The following SBF2 variants were observed in gnomAD, a reference collection of about 807,000 sequenced individuals.
SBF2 encodes myotubularin-related protein 13.
A neutral mutation model predicts 225.2 loss-of-function variants in SBF2; 112 were observed. That is an observed-to-expected ratio of 0.50 (90% CI 0.43 to 0.58). The LOEUF (loss-of-function observed/expected upper bound fraction) is 0.58. Ranked by LOEUF, SBF2 falls within the 20% of genes least tolerant of loss-of-function variation. The probability of loss-of-function intolerance (pLI) is 0.00; values close to 1 mark genes in which losing one functional copy is unlikely to be tolerated. For missense variants in SBF2, 1,996 were observed against 2,206.2 expected, an observed-to-expected ratio of 0.90 and a Z score of 1.91; for synonymous variants, 763 against 773.3, an observed-to-expected ratio of 0.99 and a Z score of 0.22.
intron 1 of SBF2, among the ~76,000 whole-genome samples, chr11:10,212,769 C>A (rs533053286): frequency 6.6e-6 from 1 of 152,134 alleles, no homozygotes; most frequent in Non-Finnish European, 1.5e-5. Context: ...CTGTTACTCG[C>A]GGCAGGGCGC....
At chr11:10,089,442 G>A (rs973935076) in intron 2 of SBF2, among the ~76,000 whole-genome samples, 3 of 152,058 alleles carry the variant, frequency 2.0e-5, no homozygotes, top group African/African-American at 7.2e-5. Flanking sequence ...CTTTCTTCTT[G>A]AATGCCTCCC....
At chr11:10,026,837 G>A (rs757140828) in intron 6 of SBF2, among the ~76,000 whole-genome samples, 14 of 151,920 alleles carry the variant, frequency 9.2e-5, no homozygotes, top group South Asian at 2.1e-4. Context: ...GATTATGTAC[G>A]TCATATTAGA....
chr11:9,882,814 AAAAAAAC>A (rs962933351), intron 17 of SBF2, among the ~76,000 whole-genome samples: 3 of 150,972 alleles, frequency 2.0e-5, no homozygotes, highest in African/African-American at 7.3e-5. Flanking sequence ...AAAAAAAAAA[AAAAAAAC>A]CACCAAAAAA....
At chr11:9,836,831 A>G (rs1185147367) in intron 26 of SBF2, among the ~76,000 whole-genome samples, 1 of 152,140 alleles carries the variant, frequency 6.6e-6, no homozygotes, top group African/African-American at 2.4e-5. Flanking sequence ...TGCTACTGTA[A>G]ATAGTAGGAA....
chr11:10,134,245 C>T (rs527899685), intron 2 of SBF2, among the ~76,000 whole-genome samples: 1 of 152,278 alleles, frequency 6.6e-6, no homozygotes, highest in South Asian at 2.1e-4. Context: ...ACAGGAAAGA[C>T]CTGCCCCCCT....
intron 32 of SBF2, among the ~76,000 whole-genome samples, chr11:9,801,049 A>G (rs1996794): frequency 6.6e-6 from 1 of 151,994 alleles, no homozygotes; most frequent in Non-Finnish European, 1.5e-5. Context: ...GTGTGCTTCA[A>G]ATAAATTTAG....
chr11:9,902,973 A>T lies in SBF2; in HGVS notation c.1861-6962T>A, dbSNP rs553178076. Among the ~76,000 whole-genome samples the T allele has an allele frequency of 3.5e-4, 53 of 150,564 alleles. 2 individuals carry two copies. In the South Asian group the frequency reaches 0.01, roughly 30 times the overall value. On this transcript the variant is annotated intron_variant, in intron 16 of 39. Coordinates refer to ENST00000256190, the MANE Select transcript of SBF2 (RefSeq NM_030962.4). ...TAATAGGAAAATAAAAAAAAAAAAC[A>T]ACAAACCTGAACCCAAGGGAAAACA...
intron 15 of SBF2, among the ~76,000 whole-genome samples, chr11:9,963,291 C>A (rs1042140360): frequency 1.3e-5 from 2 of 152,022 alleles, no homozygotes; most frequent in African/African-American, 4.8e-5. Context: ...ATGGTGAAAC[C>A]CCATCTTTAC....
intron 1 of SBF2, among the ~76,000 whole-genome samples, chr11:10,225,905 G>T (rs867470433): frequency 6.6e-6 from 1 of 152,070 alleles, no homozygotes; most frequent in Non-Finnish European, 1.5e-5. Flanking sequence ...AAATGTAAAG[G>T]AGTCGATTAG....
At chr11:9,982,184 C>A (rs952118844) in intron 13 of SBF2, among the ~76,000 whole-genome samples, 1 of 152,170 alleles carries the variant, frequency 6.6e-6, no homozygotes, top group Non-Finnish European at 1.5e-5. Flanking sequence ...CAGCTTTTCG[C>A]TCCCTCTGTT....
intron 16 of SBF2, chr11:9,958,908 C>T (rs1866377029): frequency 1.5e-6 from 1 of 680,820 alleles, no homozygotes; most frequent in Non-Finnish European, 2.7e-6. Context: ...CTATGATGGG[C>T]TATAAGAGCA....
chr11:9,853,624 A>C lies in SBF2; in HGVS notation c.2452T>G (p.Phe818Val). 6.2e-7 allele frequency: 1 copy of C among 1,613,952 alleles called. No individual in the cohort carries two copies. The highest frequency in any genetic ancestry group is 8.5e-7 in the Non-Finnish European group (1 of 1,179,906). The change falls in exon 20 of 40, where the codon TTC becomes GTC. Residue 818 changes from phenylalanine (F) to valine (V), a missense_variant. By Grantham distance (50) the Phe-to-Val change is conservative. Transcript: ENST00000256190. ...NTDIANSVVR[F>V]ITRFIDKVCT... Reference sequence around the variant, plus strand: ...ACTTTGTCAATAAATCGGGTAATGAACCGCACAACAGAATTGGCAATGTCA... The same window carrying C: ...ACTTTGTCAATAAATCGGGTAATGACCCGCACAACAGAATTGGCAATGTCA...
chr11:9,879,514 C>T lies in SBF2; in HGVS notation c.1929+16429G>A, dbSNP rs376145218. The stretch of plus-strand genomic sequence containing the variant: ...GGAGGATGCTGACATGCATCATCAT[C>T]GGTTTTGCCATTTGCCAGCTGGAGG... On this transcript the variant is annotated intron_variant, in intron 17 of 39. Coordinates refer to ENST00000256190, the MANE Select transcript of SBF2 (RefSeq NM_030962.4). Among the ~76,000 whole-genome samples the T allele has an allele frequency of 5.3e-5, 8 of 152,234 alleles. No homozygotes were observed. In the South Asian group the frequency reaches 8.3e-4, roughly 16 times the overall value.
At chr11:10,300,020 C>G (rs1375491319) in intron 1 of SBF2, among the ~76,000 whole-genome samples, 1 of 152,168 alleles carries the variant, frequency 6.6e-6, no homozygotes, top group East Asian at 1.9e-4. Flanking sequence ...CTATGCATTC[C>G]TATCAAACAG....
Position 9,794,676 on chromosome 11 carries a change from CAAAAAAAAAAAAA to C in SBF2, c.4570+1142_4570+1154del, listed in dbSNP as rs575749593. On this transcript the variant is annotated intron_variant, in intron 33 of 39. Coordinates refer to ENST00000256190, the MANE Select transcript of SBF2 (RefSeq NM_030962.4). ...TGATACAGTGAGTGGGACTCCGTCT[CAAAAAAAAAAAAA>C]AAAAAAAAAAAAAAAAAAGACCAGG... 2.2e-3 allele frequency among the ~76,000 whole-genome samples: 78 copies of C among 35,360 alleles called. 1 individual carries two copies. The highest frequency in any genetic ancestry group is 4.4e-3 in the African/African-American group (42 of 9,462). 23.2% of individuals were successfully genotyped at this position (35,360 alleles called of 152,430 possible).
chr11:10,158,239 A>C (rs1347475237), intron 2 of SBF2, among the ~76,000 whole-genome samples: 1 of 152,172 alleles, frequency 6.6e-6, no homozygotes, highest in Non-Finnish European at 1.5e-5. Context: ...AGAAAAAAAC[A>C]AAGATCTCAA....
At chr11:10,285,686 A>C (rs1963713589) in intron 1 of SBF2, among the ~76,000 whole-genome samples, 1 of 152,220 alleles carries the variant, frequency 6.6e-6, no homozygotes, top group Admixed American at 6.5e-5. Context: ...AAAATTCTGT[A>C]ACCAGCACTC....
chr11:10,226,572 A>T (rs1475496846), intron 1 of SBF2, among the ~76,000 whole-genome samples: 1 of 150,592 alleles, frequency 6.6e-6, no homozygotes, highest in African/African-American at 2.4e-5. Flanking sequence ...GAGTGAGAAC[A>T]TGAGGTGTTT....
chr11:9,974,712 T>C (rs1458504886), intron 13 of SBF2, among the ~76,000 whole-genome samples: 1 of 147,698 alleles, frequency 6.8e-6, no homozygotes, highest in Non-Finnish European at 1.5e-5. Context: ...CTCATGCCTA[T>C]AATCCCAGCA....
Sources: gnomAD v4.1 joint callset for allele counts (sites outside exome capture counted in the v4.1 genomes callset) on GRCh38, gnomAD v4.1.1 for gene constraint, MANE v1.5 for transcripts, NCBI Gene and HGNC (gene_info 2026-07-23, HGNC 2026-07-21) for gene names.